The following ARHGAP31 variants were observed in gnomAD, a reference collection of about 807,000 sequenced individuals.
The protein encoded by ARHGAP31 is Rho GTPase activating protein 31, also known as rho GTPase-activating protein 31.
A neutral mutation model predicts 113.9 loss-of-function variants in ARHGAP31; 34 were observed. The observed-to-expected ratio is 0.30, with a 90% CI of 0.23 to 0.40. The LOEUF is 0.40. Among genes scored for constraint, ARHGAP31 ranks in the 10% least tolerant of loss-of-function variants. ARHGAP31 has a pLI of 1.00. For synonymous variants in ARHGAP31, 650 were observed against 684.8 expected, an observed-to-expected ratio of 0.95 and a Z score of 0.79; for missense variants, 1,548 against 1,767.1, an observed-to-expected ratio of 0.88 and a Z score of 2.22.
chr3:119,392,614 T>G (rs932219894), intron 7 of ARHGAP31, among the ~76,000 whole-genome samples: 7 of 152,362 alleles, frequency 4.6e-5, no homozygotes, highest in African/African-American at 1.4e-4. Flanking sequence ...AAGGCCTCCA[T>G]GGTGACCCCT....
intron 3 of ARHGAP31, 27 bp downstream of exon 3, chr3:119,368,543 T>C: frequency 1.2e-6 from 2 of 1,613,852 alleles, no homozygotes; most frequent in Non-Finnish European, 1.7e-6. Flanking sequence ...CCATTATGGT[T>C]ACTGGGTGGG....
At chr3:119,389,612 T>G (rs1272975961) in intron 6 of ARHGAP31, among the ~76,000 whole-genome samples, 4 of 152,168 alleles carry the variant, frequency 2.6e-5, no homozygotes, top group African/African-American at 9.7e-5. Context: ...CACATAACAG[T>G]TGTCTTCATT....
rs1559996588 is a variant in ARHGAP31, at chr3:119,409,602, G to A, written c.1752G>A (p.Leu584=). 1 of 1,613,960 alleles carries A rather than the reference G, an allele frequency of 6.2e-7. No homozygotes were observed. Among genetic ancestry groups the A allele is most frequent in the Non-Finnish European group, 8.5e-7 (1 of 1,179,910 alleles). ...TGTCCCAGGAGCCAGGCGCCCACCT[G>A]GAGGAGAAGAAAACCCCAGAAAGCT... is the stretch of plus-strand genomic sequence containing the variant. ...KGLSQEPGAH[L]EEKKTPESSL... Residue 584 remains leucine, a synonymous_variant, in exon 11 of 12, where the codon CTG becomes CTA. Transcript: ENST00000264245.
chr3:119,298,844 C>A, intron 1 of ARHGAP31: 1 of 207,572 alleles, frequency 4.8e-6, no homozygotes, highest in South Asian at 8.1e-5. Context: ...GCGTCTTCAC[C>A]GCCTATATAC....
At chr3:119,320,859 G>A (rs1176178930) in intron 1 of ARHGAP31, among the ~76,000 whole-genome samples, 1 of 152,104 alleles carries the variant, frequency 6.6e-6, no homozygotes, top group Non-Finnish European at 1.5e-5. Flanking sequence ...GGGACCTGGT[G>A]GGAGGTAATT....
chr3:119,363,669 T>C (rs189270985), intron 1 of ARHGAP31, among the ~76,000 whole-genome samples: 1 of 152,312 alleles, frequency 6.6e-6, no homozygotes, highest in African/African-American at 2.4e-5. Context: ...GGTAGAATGT[T>C]GAGTCTGAAT....
chr3:119,333,790 T>A (rs1455961658), intron 1 of ARHGAP31, among the ~76,000 whole-genome samples: 1 of 152,250 alleles, frequency 6.6e-6, no homozygotes, highest in Non-Finnish European at 1.5e-5. Context: ...TGCCTCTTGG[T>A]TCTTCGGGCT....
At chr3:119,301,860 G>A (rs1049764653) in intron 1 of ARHGAP31, among the ~76,000 whole-genome samples, 11 of 152,076 alleles carry the variant, frequency 7.2e-5, no homozygotes, top group Admixed American at 4.6e-4. Flanking sequence ...TTCTAGTTGG[G>A]GCTACCCATT....
intron 1 of ARHGAP31, among the ~76,000 whole-genome samples, chr3:119,351,938 A>C (rs2080114115): frequency 6.6e-6 from 1 of 152,240 alleles, no homozygotes; most frequent in Admixed American, 6.5e-5. Flanking sequence ...GAGGATTTAA[A>C]TGATTTTAAA....
chr3:119,308,031 T>C (rs2079646513), intron 1 of ARHGAP31, among the ~76,000 whole-genome samples: 1 of 148,086 alleles, frequency 6.8e-6, no homozygotes. Context: ...TCTTCAGGAC[T>C]GGAGTCACGC....
Position 119,401,824 on chromosome 3 carries a change from A to G in ARHGAP31, c.1072A>G (p.Lys358Glu). ...ATACACTTGTTCCTTTTTACTAGGA[A>G]AAGAAACCAAGGGAAATTTCAATCG... Reference protein sequence around the residue: ...DSLCSVPVEGKETKGNFNRTV... With the variant: ...DSLCSVPVEGEETKGNFNRTV... Residue 358 changes from lysine (K) to glutamate (E), a missense_variant and splice_region_variant, in exon 10 of 12, where the codon AAA (lysine) becomes GAA (glutamate). By Grantham distance (56) the Lys-to-Glu change is moderately conservative. Transcript: ENST00000264245. 1.2e-6 allele frequency: 2 copies of G among 1,613,982 alleles called. No individual in the cohort carries two copies. Among genetic ancestry groups the G allele is most frequent in the Non-Finnish European group, 1.7e-6 (2 of 1,180,032 alleles).
intron 1 of ARHGAP31, among the ~76,000 whole-genome samples, chr3:119,363,123 C>T (rs749094523): frequency 8.0e-5 from 12 of 149,836 alleles, no homozygotes; most frequent in Non-Finnish European, 1.6e-4. Flanking sequence ...GCACTCTCAA[C>T]CATAGACTGT....
chr3:119,363,882 C>T (rs2080231367), intron 1 of ARHGAP31, among the ~76,000 whole-genome samples: 1 of 152,206 alleles, frequency 6.6e-6, no homozygotes, highest in African/African-American at 2.4e-5. Context: ...CGAGAAGCCA[C>T]TGAAGACCTC....
chr3:119,414,180 A>C lies in ARHGAP31; in HGVS notation c.2251A>C (p.Ser751Arg), dbSNP rs2080745551. ...PEQGLHPDLA[S>R]LAPLEIVPFE... ...GCAGGGCCTGCACCCAGACCTCGCCAGCCTGGCTCCTCTGGAAATAGTTCC... is the reference window on the plus strand; with the variant it reads ...GCAGGGCCTGCACCCAGACCTCGCCCGCCTGGCTCCTCTGGAAATAGTTCC... Residue 751 changes from serine to arginine, a missense_variant, in exon 12 of 12, where the codon AGC becomes CGC. Transcript: ENST00000264245. 7 of 1,614,190 alleles carry C rather than the reference A, an allele frequency of 4.3e-6. No homozygotes were observed. Among genetic ancestry groups the C allele is most frequent in the Non-Finnish European group, 5.9e-6 (7 of 1,180,010 alleles).
At chr3:119,380,846 C>A in intron 3 of ARHGAP31, 58 bp from the exon 4 acceptor site, 1 of 1,440,954 alleles carries the variant, frequency 6.9e-7, no homozygotes, top group Non-Finnish European at 9.8e-7. Flanking sequence ...CCAGCACATG[C>A]AGATGGCTGT....
At chr3:119,400,072 TTC>T (rs1170682572) in intron 9 of ARHGAP31, among the ~76,000 whole-genome samples, 2 of 152,202 alleles carry the variant, frequency 1.3e-5, no homozygotes, top group East Asian at 3.8e-4. Flanking sequence ...CAAGACATTT[TTC>T]TCTTTCAAAA....
At chr3:119,295,546 G>A (rs1258177586) in intron 1 of ARHGAP31, among the ~76,000 whole-genome samples, 1 of 151,980 alleles carries the variant, frequency 6.6e-6, no homozygotes, top group Non-Finnish European at 1.5e-5. Flanking sequence ...CTGAATTTCT[G>A]AGCTGATGCC....
At chr3:119,326,402 G>A (rs1275523247) in intron 1 of ARHGAP31, among the ~76,000 whole-genome samples, 3 of 152,106 alleles carry the variant, frequency 2.0e-5, no homozygotes, top group Admixed American at 6.5e-5. Context: ...CTGGGTGCTC[G>A]GTGGTCAGGA....
chr3:119,295,116 T>G, intron 1 of ARHGAP31, 112 bp downstream of exon 1: 14 of 931,780 alleles, frequency 1.5e-5, no homozygotes, highest in East Asian at 2.5e-5. Flanking sequence ...ATTCCAGGCC[T>G]GTGCGCTCAT....
Sources: allele counts gnomAD v4.1 joint callset (sites outside exome capture counted in the v4.1 genomes callset), GRCh38; gene constraint gnomAD v4.1.1; transcripts MANE v1.5; gene names NCBI Gene and HGNC (gene_info 2026-07-23, HGNC 2026-07-21).